Variants in MCC observed in about 807,000 individuals in gnomAD.
MCC encodes the protein colorectal mutant cancer protein.
In MCC, 90 loss-of-function variants were observed where a neutral mutation model predicts 116.2. That is an observed-to-expected ratio of 0.77 (90% CI 0.65 to 0.92). The LOEUF is 0.92. Ranked by LOEUF, MCC falls within the 40% of genes least tolerant of loss-of-function variation. MCC has a pLI of 0.00. For missense variants in MCC, 1,516 were observed against 1,312.2 expected, an observed-to-expected ratio of 1.16 and a Z score of -2.40; for synonymous variants, 578 against 510.5, an observed-to-expected ratio of 1.13 and a Z score of -1.78.
At chr5:113,224,481 G>A (rs1763662795) in intron 3 of MCC, among the ~76,000 whole-genome samples, 1 of 152,268 alleles carries the variant, frequency 6.6e-6, no homozygotes, top group Non-Finnish European at 1.5e-5. Context: ...AAACAAAAAC[G>A]CCTGTTTTCC....
chr5:113,394,944 T>C (rs1219041202), intron 1 of MCC, among the ~76,000 whole-genome samples: 1 of 152,216 alleles, frequency 6.6e-6, no homozygotes, highest in East Asian at 1.9e-4. Context: ...TTTTTTGCTA[T>C]AATAGCAGAG....
chr5:113,226,265 C>A (rs1030195745), intron 3 of MCC, among the ~76,000 whole-genome samples: 5 of 152,236 alleles, frequency 3.3e-5, no homozygotes, highest in African/African-American at 1.2e-4. Context: ...TAAATTTATT[C>A]TATTCCATGG....
intron 1 of MCC, among the ~76,000 whole-genome samples, chr5:113,460,629 TCA>T (rs1771718409): frequency 6.6e-6 from 1 of 152,172 alleles, no homozygotes; most frequent in African/African-American, 2.4e-5. Flanking sequence ...TGCCTTGTGC[TCA>T]CAGAGCATCA....
chr5:113,158,302 G>T (rs1035341889), intron 3 of MCC, among the ~76,000 whole-genome samples: 2 of 152,116 alleles, frequency 1.3e-5, no homozygotes, highest in Non-Finnish European at 2.9e-5. Flanking sequence ...ATGACAATGG[G>T]TAGTGCCAAC....
At chr5:113,450,854 T>C (rs1375957473) in intron 1 of MCC, among the ~76,000 whole-genome samples, 4 of 152,182 alleles carry the variant, frequency 2.6e-5, no homozygotes, top group African/African-American at 4.8e-5. Flanking sequence ...CATTTTTACC[T>C]TTCTATTCTG....
intron 1 of MCC, among the ~76,000 whole-genome samples, chr5:113,432,320 C>CAAAAAAAAA (rs66577040): frequency 7.3e-5 from 5 of 68,616 alleles, no homozygotes; most frequent in South Asian, 1.4e-3. Context: ...GACTCTGTCT[C>CAAAAAAAAA]AAAAAAAAAA....
At chr5:113,396,208 G>A (rs1769521422) in intron 1 of MCC, among the ~76,000 whole-genome samples, 1 of 152,154 alleles carries the variant, frequency 6.6e-6, no homozygotes, top group Non-Finnish European at 1.5e-5. Flanking sequence ...TATGCCTGTA[G>A]TCCCGGCTAC....
At chr5:113,397,824 T>C (rs1769565114) in intron 1 of MCC, among the ~76,000 whole-genome samples, 1 of 151,900 alleles carries the variant, frequency 6.6e-6, no homozygotes, top group South Asian at 2.1e-4. Flanking sequence ...GCAACAAAAA[T>C]AAAAATTGAC....
chr5:113,469,039 C>A (rs982756683), intron 1 of MCC, among the ~76,000 whole-genome samples: 1 of 152,112 alleles, frequency 6.6e-6, no homozygotes, highest in African/African-American at 2.4e-5. Flanking sequence ...TCCCCTTTAA[C>A]ATTTTTTATT....
chr5:113,082,685 C>A (rs76938576), intron 11 of MCC, among the ~76,000 whole-genome samples, 175 bp downstream of exon 11: 8,192 of 152,280 alleles, frequency 0.054, 277 homozygotes, highest in East Asian at 0.11. Context: ...GCAGCTCAGA[C>A]TGCTGTGAGC....
intron 2 of MCC, among the ~76,000 whole-genome samples, chr5:113,381,297 G>T (rs1329597568): frequency 6.6e-6 from 1 of 152,152 alleles, no homozygotes; most frequent in Non-Finnish European, 1.5e-5. Flanking sequence ...CTAGGTAAAG[G>T]TTATCTGGGA....
At chr5:113,109,639 C>T (rs1225386713) in intron 6 of MCC, among the ~76,000 whole-genome samples, 1 of 152,152 alleles carries the variant, frequency 6.6e-6, no homozygotes, top group Non-Finnish European at 1.5e-5. Context: ...TGGTAAATTT[C>T]ATGTTTGTTA....
chr5:113,027,515 A>G (rs1750640938), intron 18 of MCC, 33 bp from the exon 19 acceptor site: 2 of 1,603,742 alleles, frequency 1.2e-6, no homozygotes, highest in Non-Finnish European at 1.7e-6. Flanking sequence ...TGGTATTAAG[A>G]TTCATCCTAA....
At chr5:113,106,426 A>C (rs1268120227) in intron 6 of MCC, among the ~76,000 whole-genome samples, 1 of 144,116 alleles carries the variant, frequency 6.9e-6, no homozygotes, top group East Asian at 2.1e-4. Flanking sequence ...CTCCATTCAC[A>C]CTCCTGGCCT....
intron 3 of MCC, among the ~76,000 whole-genome samples, chr5:113,320,964 T>C (rs545199499): frequency 3.3e-5 from 5 of 152,242 alleles, no homozygotes; most frequent in African/African-American, 9.6e-5. Flanking sequence ...ACTTTCTTAG[T>C]TGACACAATT....
chr5:113,171,414 G>A (rs139358225), intron 3 of MCC, among the ~76,000 whole-genome samples: 75 of 151,786 alleles, frequency 4.9e-4, no homozygotes, highest in African/African-American at 1.7e-3. Flanking sequence ...AGAGTGTAGT[G>A]CCACGACTCG....
chr5:113,228,505 AGTT>A (rs1763828404), intron 3 of MCC, among the ~76,000 whole-genome samples: 2 of 152,146 alleles, frequency 1.3e-5, no homozygotes, highest in African/African-American at 4.8e-5. Flanking sequence ...GGCTCTGAGA[AGTT>A]GTTGTTGAAA....
chr5:113,392,235 G>A lies in MCC; in HGVS notation c.171-7023C>T, dbSNP rs183171304. The stretch of plus-strand genomic sequence containing the variant: ...AGCCTGGGCAACAAAGTGAGACCCC[G>A]TCTTTAAAAATAAAGAAAAAGTAAG... On this transcript the variant is annotated intron_variant, in intron 1 of 18. Transcript: ENST00000408903. 1.4e-3 allele frequency among the ~76,000 whole-genome samples: 210 copies of A among 152,062 alleles called. 1 individual carries two copies. The highest frequency in any genetic ancestry group is 2.2e-3 in the Non-Finnish European group (149 of 67,998).
At chr5:113,050,846 C>T (rs540342673) in intron 15 of MCC, among the ~76,000 whole-genome samples, 14 of 152,342 alleles carry the variant, frequency 9.2e-5, no homozygotes, top group African/African-American at 2.4e-4. Flanking sequence ...GCCCTCCACC[C>T]GGGGGCTTAA....
Sources: allele counts gnomAD v4.1 joint callset (sites outside exome capture counted in the v4.1 genomes callset), GRCh38; gene constraint gnomAD v4.1.1; transcripts MANE v1.5; gene names NCBI Gene and HGNC (gene_info 2026-07-23, HGNC 2026-07-21).